The following PRKG1 variants were observed in gnomAD, a reference collection of about 807,000 sequenced individuals.
PRKG1 encodes cGMP-dependent protein kinase 1.
PRKG1 carries 35 observed loss-of-function variants against 88.1 expected under a neutral mutation model. That is an observed-to-expected ratio of 0.40 (90% CI 0.30 to 0.53). PRKG1 has a LOEUF of 0.53. Ranked by LOEUF, PRKG1 falls within the 20% of genes least tolerant of loss-of-function variation. The pLI is 0.59. For synonymous variants in PRKG1, 303 were observed against 292.5 expected (o/e 1.04, Z -0.37); for missense variants, 540 against 839.8 (o/e 0.64, Z 4.41).
intron 4 of PRKG1, among the ~76,000 whole-genome samples, chr10:51,823,523 T>C (rs1839802158): frequency 6.6e-6 from 1 of 152,022 alleles, no homozygotes; most frequent in Non-Finnish European, 1.5e-5. Flanking sequence ...TCTTCATATC[T>C]AGTATATAAC....
intron 1 of PRKG1, among the ~76,000 whole-genome samples, chr10:51,077,196 T>G (rs1157616928): frequency 6.6e-6 from 1 of 152,216 alleles, no homozygotes; most frequent in African/African-American, 2.4e-5. Flanking sequence ...CAAAGAAGAC[T>G]TGTTTGCCTT....
intron 3 of PRKG1, among the ~76,000 whole-genome samples, chr10:51,541,918 A>G (rs1842313012): frequency 6.6e-6 from 1 of 152,166 alleles, no homozygotes; most frequent in African/African-American, 2.4e-5. Context: ...TTTTAGCAGC[A>G]TAACAGGTTT....
intron 7 of PRKG1, among the ~76,000 whole-genome samples, chr10:52,074,678 C>T (rs1240326449): frequency 6.6e-6 from 1 of 152,120 alleles, no homozygotes; most frequent in Non-Finnish European, 1.5e-5. Flanking sequence ...TTCCTTTATA[C>T]AATTGTTAAT....
At chr10:51,352,514 T>A (rs1842272754) in intron 2 of PRKG1, among the ~76,000 whole-genome samples, 2 of 152,074 alleles carry the variant, frequency 1.3e-5, no homozygotes, top group African/African-American at 4.8e-5. Flanking sequence ...TAAAATTAAG[T>A]ACCTAGGAAT....
chr10:52,109,395 T>C (rs935516557), intron 7 of PRKG1, among the ~76,000 whole-genome samples: 1 of 152,242 alleles, frequency 6.6e-6, no homozygotes, highest in African/African-American at 2.4e-5. Flanking sequence ...CTTATTTTCT[T>C]GGTTAGGAAA....
At chr10:51,875,748 T>A (rs1053708783) in intron 4 of PRKG1, among the ~76,000 whole-genome samples, 3 of 152,148 alleles carry the variant, frequency 2.0e-5, no homozygotes, top group Non-Finnish European at 4.4e-5. Flanking sequence ...AACCCAACCA[T>A]ATGTGCAAGG....
At chr10:51,295,617 A>G (rs367959154) in intron 2 of PRKG1, among the ~76,000 whole-genome samples, 38 of 151,634 alleles carry the variant, frequency 2.5e-4, no homozygotes, top group African/African-American at 9.2e-4. Flanking sequence ...AATTAGATGC[A>G]TTCTATTCCG....
At chr10:52,077,568 G>A (rs1420610226) in intron 7 of PRKG1, among the ~76,000 whole-genome samples, 1 of 152,092 alleles carries the variant, frequency 6.6e-6, no homozygotes, top group Non-Finnish European at 1.5e-5. Context: ...AAGTTTTCGA[G>A]TTGTACATTT....
At chr10:51,967,490 C>T (rs1843600746) in intron 5 of PRKG1, among the ~76,000 whole-genome samples, 3 of 151,854 alleles carry the variant, frequency 2.0e-5, no homozygotes, top group Non-Finnish European at 4.4e-5. Context: ...AGCACACCAA[C>T]ATGGCACATG....
chr10:52,075,793 T>C (rs1846613750), intron 7 of PRKG1, among the ~76,000 whole-genome samples: 1 of 152,188 alleles, frequency 6.6e-6, no homozygotes. Context: ...TGTGCTCTCA[T>C]AGCCGTTCCT....
At chr10:51,981,780 A>T (rs1387912822) in intron 5 of PRKG1, among the ~76,000 whole-genome samples, 1 of 151,802 alleles carries the variant, frequency 6.6e-6, no homozygotes, top group East Asian at 1.9e-4. Flanking sequence ...GAATCTGATG[A>T]CTGTGTGTCT....
intron 2 of PRKG1, among the ~76,000 whole-genome samples, chr10:51,377,618 C>T (rs1038616901): frequency 6.6e-6 from 1 of 151,118 alleles, no homozygotes; most frequent in East Asian, 1.9e-4. Context: ...TTTCTAAATT[C>T]GTTGCTAATA....
In PRKG1 at chr10:52,054,588, A is replaced by G. The variant is rs371360016; in HGVS notation, c.840+27A>G. 5 of 1,601,446 alleles carry G rather than the reference A, an allele frequency of 3.1e-6. No individual in the cohort carries two copies. In the African/African-American group the frequency reaches 6.7e-5, roughly 21 times the overall value. On this transcript the variant is annotated intron_variant, in intron 6 of 17. Transcript: ENST00000373980. ...TAAGCTTTGGTGGCACAAGACAGTG[A>G]TGCACTAGGGGAGCCTGGGGTTGGT...
chr10:51,601,721 ATTTTTTTTTTTTTTTTTTTTTTTTTTTTT>A (rs749205610), intron 3 of PRKG1, among the ~76,000 whole-genome samples: 14 of 43,576 alleles, frequency 3.2e-4, no homozygotes, highest in South Asian at 9.5e-4. Flanking sequence ...GGCAGATTGA[ATTTTTTTTTTTTTTTTTTTTTTTTTTTTT>A]TTTTTTTTTT....
intron 4 of PRKG1, among the ~76,000 whole-genome samples, chr10:51,846,738 G>A (rs889378554): frequency 6.6e-6 from 1 of 152,044 alleles, no homozygotes; most frequent in Non-Finnish European, 1.5e-5. Flanking sequence ...TAATTCTGTT[G>A]CCTCTTAATT....
chr10:51,289,669 T>TGAGAGA (rs34176694), intron 2 of PRKG1, among the ~76,000 whole-genome samples: 1 of 148,382 alleles, frequency 6.7e-6, no homozygotes, highest in Non-Finnish European at 1.5e-5. Context: ...GTAGATTCCA[T>TGAGAGA]GAGAGAGAGA....
chr10:51,285,862 T>C (rs888874612), intron 2 of PRKG1, among the ~76,000 whole-genome samples: 2 of 152,124 alleles, frequency 1.3e-5, no homozygotes, highest in Non-Finnish European at 2.9e-5. Context: ...GCACAGCAAA[T>C]GAAGCAGGTG....
intron 2 of PRKG1, among the ~76,000 whole-genome samples, chr10:51,219,363 A>G (rs920418849): frequency 1.3e-5 from 2 of 152,146 alleles, no homozygotes; most frequent in African/African-American, 4.8e-5. Flanking sequence ...CAAGCAGTGT[A>G]CTGTAGTGTG....
At chr10:51,979,374 G>C (rs1843934043) in intron 5 of PRKG1, among the ~76,000 whole-genome samples, 1 of 102,034 alleles carries the variant, frequency 9.8e-6, no homozygotes, top group African/African-American at 3.4e-5. Flanking sequence ...TTTTGTTGAG[G>C]ATTTTTGCTT....
Sources: allele counts gnomAD v4.1 joint callset (sites outside exome capture counted in the v4.1 genomes callset), GRCh38; gene constraint gnomAD v4.1.1; transcripts MANE v1.5; gene names NCBI Gene and HGNC (gene_info 2026-07-23, HGNC 2026-07-21).